Variants in ST8SIA5 observed in about 807,000 individuals in gnomAD.
ST8SIA5 encodes alpha-2,8-sialyltransferase 8E.
In ST8SIA5, 24 loss-of-function variants were observed where a neutral mutation model predicts 40.2. The ratio of observed to expected loss-of-function variants is 0.60; its 90% CI spans 0.43 to 0.84. The LOEUF is 0.84. Ranked by LOEUF, ST8SIA5 falls within the 40% of genes least tolerant of loss-of-function variation. The pLI is 0.00. For missense variants in ST8SIA5, 465 were observed against 498.5 expected (o/e 0.93, Z 0.64); for synonymous variants, 198 against 201.8 (o/e 0.98, Z 0.16).
At chr18:46,708,220 G>A (rs1045434529) in intron 1 of ST8SIA5, among the ~76,000 whole-genome samples, 2 of 152,174 alleles carry the variant, frequency 1.3e-5, no homozygotes, top group African/African-American at 4.8e-5. Context: ...GTCTCTGATG[G>A]TAAGCTGGTT....
intron 1 of ST8SIA5, among the ~76,000 whole-genome samples, chr18:46,749,489 AT>A (rs2144571912): frequency 6.6e-6 from 1 of 152,332 alleles, no homozygotes; most frequent in African/African-American, 2.4e-5. Context: ...CAAGAACCAT[AT>A]ATTAAGGTAT....
At chr18:46,750,585 G>T (rs2040186485) in intron 1 of ST8SIA5, among the ~76,000 whole-genome samples, 1 of 151,968 alleles carries the variant, frequency 6.6e-6, no homozygotes, top group African/African-American at 2.4e-5. Flanking sequence ...AACTGTCTTT[G>T]CCTCTACTGC....
chr18:46,690,342 T>G (rs2039492556), intron 3 of ST8SIA5, among the ~76,000 whole-genome samples: 1 of 152,174 alleles, frequency 6.6e-6, no homozygotes, highest in African/African-American at 2.4e-5. Context: ...GAATGAAGCA[T>G]CTCATCATTG....
chr18:46,746,944 A>C (rs2040146649), intron 1 of ST8SIA5, among the ~76,000 whole-genome samples: 1 of 152,236 alleles, frequency 6.6e-6, no homozygotes, highest in South Asian at 2.1e-4. Flanking sequence ...ATCTTTGACA[A>C]ACCTGACAAA....
At chr18:46,725,998 TATATATATATATCCTGG>T (rs1234598038) in intron 1 of ST8SIA5, among the ~76,000 whole-genome samples, 58 of 69,636 alleles carry the variant, frequency 8.3e-4, no homozygotes, top group African/African-American at 2.2e-3. Context: ...TATATATATA[TATATATATATATCCTGG>T]ATATATATAT....
At position 46,686,214 on chromosome 18, in the gene ST8SIA5, G is replaced by A. The variant is rs779525312; in HGVS notation, c.529C>T (p.Arg177Cys). ...VGNGGILKNSRCGREINSADF... is the reference protein window; with the variant it reads ...VGNGGILKNSCCGREINSADF... ...GCGCTGTTGATCTCCCTCCCGCAGC[G>A]GCTGTTCTTCAAGATGCCTCCGTTG... The change falls in exon 5 of 7, where the codon CGC becomes TGC. Residue 177 changes from arginine (R) to cysteine (C), a missense_variant. Physicochemically the swap from Arg to Cys is radical, Grantham distance 180. Transcript: ENST00000315087. The A allele has an allele frequency of 2.8e-5, 45 of 1,614,018 alleles. No homozygotes were observed. Among genetic ancestry groups the A allele is most frequent in the South Asian group, 8.8e-5 (8 of 91,084 alleles).
At chr18:46,706,891 C>T (rs1022152307) in intron 1 of ST8SIA5, among the ~76,000 whole-genome samples, 1 of 152,108 alleles carries the variant, frequency 6.6e-6, no homozygotes, top group Non-Finnish European at 1.5e-5. Context: ...GCAGCTTTCA[C>T]GGTGGCCCCA....
At position 46,748,237 on chromosome 18, in the gene ST8SIA5, TTA is replaced by T. The variant is rs1568281621; in HGVS notation, c.131+8139_131+8140del. Reference sequence around the variant, plus strand: ...AAAGTATAATTCATAAATAAATAAATTAATTAATTTAAAAAAATAGGCAAAGG... The same window carrying T: ...AAAGTATAATTCATAAATAAATAAATATTAATTTAAAAAAATAGGCAAAGG... On this transcript the variant is annotated intron_variant, in intron 1 of 6. Coordinates refer to ENST00000315087, the MANE Select transcript of ST8SIA5 (RefSeq NM_013305.6). Among the ~76,000 whole-genome samples the T allele has an allele frequency of 3.8e-3, 314 of 82,890 alleles. 3 individuals carry two copies. Among genetic ancestry groups the T allele is most frequent in the Non-Finnish European group, 6.4e-3 (225 of 35,354 alleles). The allele number at this position is 82,890 out of a possible 152,430, so 54.4% of individuals were successfully genotyped here.
At chr18:46,719,763 T>C (rs1599131524) in intron 1 of ST8SIA5, among the ~76,000 whole-genome samples, 1 of 132,660 alleles carries the variant, frequency 7.5e-6, no homozygotes, top group African/African-American at 2.7e-5. Context: ...TTTTCTTTCT[T>C]TCTCTCTTCT....
intron 1 of ST8SIA5, among the ~76,000 whole-genome samples, chr18:46,743,965 A>T (rs1471983418): frequency 6.6e-6 from 1 of 152,230 alleles, no homozygotes; most frequent in African/African-American, 2.4e-5. Context: ...AGCCAAACTA[A>T]GCTTCATAAC....
At chr18:46,711,188 A>G (rs1215093002) in intron 1 of ST8SIA5, among the ~76,000 whole-genome samples, 2 of 152,212 alleles carry the variant, frequency 1.3e-5, no homozygotes, top group Admixed American at 6.5e-5. Context: ...TGGCTGGTCA[A>G]GTGAGAGTAA....
In ST8SIA5 at chr18:46,756,582, G is replaced by C. The variant is rs1287105644; in HGVS notation, c.-74C>G. ...GACTCGCGGGGTTCCGGGGCCCCGGGGGGCGCGCGGCCGACTTGGCGCCTC... is the reference window on the plus strand; with the variant it reads ...GACTCGCGGGGTTCCGGGGCCCCGGCGGGCGCGCGGCCGACTTGGCGCCTC... On this transcript the variant is annotated 5_prime_UTR_variant, in exon 1 of 7. Coordinates refer to ENST00000315087, the MANE Select transcript of ST8SIA5 (RefSeq NM_013305.6). 1.3e-5 allele frequency: 19 copies of C among 1,506,268 alleles called. No homozygotes were observed. In the East Asian group the frequency reaches 3.9e-4, roughly 31 times the overall value. The allele number at this position is 1,506,268 out of a possible 1,614,324, so 93.3% of individuals were successfully genotyped here.
chr18:46,710,795 G>A (rs1178972555), intron 1 of ST8SIA5, among the ~76,000 whole-genome samples: 1 of 152,034 alleles, frequency 6.6e-6, no homozygotes, highest in Non-Finnish European at 1.5e-5. Flanking sequence ...CCAGGGCCAT[G>A]TTTCCTTTCT....
chr18:46,678,308 C>A lies in ST8SIA5; in HGVS notation c.*1734G>T, dbSNP rs328133. ...CAGGGCACAGGTTCCACAACAACCC[C>A]CCCACAGGAAGCCCAAGCCAAGACA... On this transcript the variant is annotated 3_prime_UTR_variant, in exon 7 of 7. Coordinates refer to ENST00000315087, the MANE Select transcript of ST8SIA5 (RefSeq NM_013305.6). 143,730 of 152,826 alleles carry A rather than the reference C, an allele frequency of 0.94. 67,850 individuals are homozygous for A. Among genetic ancestry groups the A allele is most frequent in the Non-Finnish European group, 0.98 (67,461 of 68,490 alleles). The allele number at this position is 152,826 out of a possible 1,614,324, so 9.5% of individuals were successfully genotyped here. A position where few individuals can be genotyped will look rare whatever the true frequency, so the allele number is the denominator to read the frequency against.
At chr18:46,718,469 C>T (rs1194287539) in intron 1 of ST8SIA5, among the ~76,000 whole-genome samples, 1 of 122,454 alleles carries the variant, frequency 8.2e-6, no homozygotes, top group Non-Finnish European at 1.7e-5. Context: ...TTATAGCTCA[C>T]ACCTTTCTAA....
chr18:46,680,033 T>G lies in ST8SIA5; in HGVS notation c.*9A>C. Reference sequence around the variant, plus strand: ...GGCGCCGCTTGCCGGGCAGCCTGGCTGGCAGCCATCAGCAGCAGCTGCAGG... The same window carrying G: ...GGCGCCGCTTGCCGGGCAGCCTGGCGGGCAGCCATCAGCAGCAGCTGCAGG... On this transcript the variant is annotated 3_prime_UTR_variant, in exon 7 of 7. Transcript: ENST00000315087. 1 of 1,594,288 alleles carries G rather than the reference T, an allele frequency of 6.3e-7. No homozygotes were observed. The highest frequency in any genetic ancestry group is 8.6e-7 in the Non-Finnish European group (1 of 1,168,514).
intron 1 of ST8SIA5, among the ~76,000 whole-genome samples, chr18:46,706,685 T>C (rs2039673398): frequency 4.6e-5 from 7 of 152,180 alleles, no homozygotes. Context: ...TTTCCCAGAC[T>C]CCTTTGCAGG....
At position 46,679,704 on chromosome 18, in the gene ST8SIA5, C is replaced by T. The variant is rs147851784; in HGVS notation, c.*338G>A. The T allele has an allele frequency of 3.0e-5, 10 of 334,656 alleles. No individual in the cohort carries two copies. The East Asian group carries it at 5.3e-4, about 18-fold the overall frequency. The allele number at this position is 334,656 out of a possible 1,614,324, so 20.7% of individuals were successfully genotyped here. A position where few individuals can be genotyped will look rare whatever the true frequency, so the allele number is the denominator to read the frequency against. On this transcript the variant is annotated 3_prime_UTR_variant, in exon 7 of 7. Coordinates refer to ENST00000315087, the MANE Select transcript of ST8SIA5 (RefSeq NM_013305.6). ...AGGGCCTGCAGTTTGTGCTCTCTCTCGGATGACAAAATTGGGTGGAAATGT... is the reference window on the plus strand; with the variant it reads ...AGGGCCTGCAGTTTGTGCTCTCTCTTGGATGACAAAATTGGGTGGAAATGT...
chr18:46,739,867 C>T (rs563131738), intron 1 of ST8SIA5, among the ~76,000 whole-genome samples: 22 of 152,280 alleles, frequency 1.4e-4, no homozygotes, highest in Middle Eastern at 3.4e-3. Flanking sequence ...TATACCTCTT[C>T]CAGGTATAAA....
Sources: allele counts gnomAD v4.1 joint callset (sites outside exome capture counted in the v4.1 genomes callset), GRCh38; gene constraint gnomAD v4.1.1; transcripts MANE v1.5; gene names NCBI Gene and HGNC (gene_info 2026-07-23, HGNC 2026-07-21).